WBP1L: variants seen among roughly 807,000 people sequenced by gnomAD.
WBP1L encodes WW domain binding protein 1-like.
A neutral mutation model predicts 33.7 loss-of-function variants in WBP1L; 17 were observed. The ratio of observed to expected loss-of-function variants is 0.50; its 90% CI spans 0.34 to 0.76. The LOEUF is 0.76. WBP1L is among the 30% of genes least tolerant of loss of function. The pLI is 0.01. For missense variants in WBP1L, 389 were observed against 469.4 expected (o/e 0.83, Z 1.58); for synonymous variants, 173 against 190.8 (o/e 0.91, Z 0.77).
chr10:102,761,117 G>A (rs1843031888), intron 1 of WBP1L, among the ~76,000 whole-genome samples: 1 of 140,026 alleles, frequency 7.1e-6, no homozygotes, highest in South Asian at 2.3e-4. Flanking sequence ...ATGTTGGCCA[G>A]GCTGTTTTTT....
intron 1 of WBP1L, among the ~76,000 whole-genome samples, chr10:102,776,767 A>G (rs553206589): frequency 6.6e-6 from 1 of 152,224 alleles, no homozygotes; most frequent in African/African-American, 2.4e-5. Context: ...AACCCCTTTT[A>G]TTCCTTCTCC....
chr10:102,809,032 T>G (rs1383760831), intron 2 of WBP1L, among the ~76,000 whole-genome samples: 4 of 152,182 alleles, frequency 2.6e-5, no homozygotes, highest in Non-Finnish European at 4.4e-5. Context: ...TCCCCCAAGG[T>G]GCTGGAGGCG....
chr10:102,762,788 T>C (rs556137163), intron 1 of WBP1L, among the ~76,000 whole-genome samples: 1 of 152,310 alleles, frequency 6.6e-6, no homozygotes, highest in East Asian at 1.9e-4. Context: ...CTTCCAGCTC[T>C]TCGGGGATGC....
chr10:102,785,521 G>A (rs1843402999), intron 1 of WBP1L, among the ~76,000 whole-genome samples: 1 of 149,260 alleles, frequency 6.7e-6, no homozygotes, highest in South Asian at 2.1e-4. Context: ...AAACAACGGT[G>A]CCATGTAGGC....
intron 1 of WBP1L, 101 bp downstream of exon 1, chr10:102,744,244 C>A: frequency 7.6e-7 from 1 of 1,318,390 alleles, no homozygotes; most frequent in South Asian, 1.6e-5. Flanking sequence ...TTGAGGGGTC[C>A]CGAGAGGGGC....
chr10:102,767,385 A>G (rs1170126606), intron 1 of WBP1L, among the ~76,000 whole-genome samples: 2 of 152,176 alleles, frequency 1.3e-5, no homozygotes, highest in African/African-American at 2.4e-5. Flanking sequence ...AGCTGGGTGC[A>G]GTGGCACATG....
chr10:102,758,967 C>T (rs1213876861), intron 1 of WBP1L, among the ~76,000 whole-genome samples: 3 of 152,168 alleles, frequency 2.0e-5, no homozygotes, highest in Admixed American at 1.3e-4. Context: ...CTATCTACTA[C>T]GAACTTCAAA....
intron 3 of WBP1L, among the ~76,000 whole-genome samples, chr10:102,810,898 TC>T (rs1843831821): frequency 1.4e-5 from 1 of 73,786 alleles, no homozygotes; most frequent in Non-Finnish European, 2.7e-5. Context: ...TTCCTTTCCC[TC>T]CCCTCCCCTC....
Position 102,799,237 on chromosome 10 carries a change from A to T in WBP1L, c.193+1142A>T, listed in dbSNP as rs190469741. Among the ~76,000 whole-genome samples, 212 of 152,166 alleles carry T rather than the reference A, an allele frequency of 1.4e-3. 1 individual carries two copies. The highest frequency in any genetic ancestry group is 4.9e-3 in the African/African-American group (203 of 41,522). On this transcript the variant is annotated intron_variant, in intron 2 of 3. Transcript: ENST00000448841. ...GCTACTCAGGAGGCTGAGGCAGGAGAATCACTTGAACCCGGGAGGCGGAGG... is the reference window on the plus strand; with the variant it reads ...GCTACTCAGGAGGCTGAGGCAGGAGTATCACTTGAACCCGGGAGGCGGAGG...
At chr10:102,800,211 C>T (rs1843636421) in intron 2 of WBP1L, among the ~76,000 whole-genome samples, 1 of 152,154 alleles carries the variant, frequency 6.6e-6, no homozygotes, top group African/African-American at 2.4e-5. Context: ...TTTGTTAAAA[C>T]AAAAGTTGAA....
At chr10:102,801,253 C>T (rs1843653989) in intron 2 of WBP1L, among the ~76,000 whole-genome samples, 1 of 152,156 alleles carries the variant, frequency 6.6e-6, no homozygotes, top group Non-Finnish European at 1.5e-5. Context: ...TTAGTATTAT[C>T]TCCATGCATT....
At chr10:102,750,432 T>C (rs1399433753) in intron 1 of WBP1L, among the ~76,000 whole-genome samples, 8 of 151,950 alleles carry the variant, frequency 5.3e-5, no homozygotes, top group African/African-American at 1.9e-4. Context: ...GTAATTTACA[T>C]GCCAAAAAAA....
In WBP1L at chr10:102,815,020, G is replaced by A. The variant is rs924073064; in HGVS notation, c.*1689G>A. 1 of 152,592 alleles carries A rather than the reference G, an allele frequency of 6.6e-6. No homozygotes were observed. Among genetic ancestry groups the A allele is most frequent in the African/African-American group, 2.4e-5 (1 of 41,408 alleles). The allele number at this position is 152,592 out of a possible 1,614,324, so 9.5% of individuals were successfully genotyped here. ...CACAGTGACTTTTTGGGTGAGCCGT[G>A]TGTGTCTGTCTGTTGTGTGTGTGCC... is the stretch of plus-strand genomic sequence containing the variant. On this transcript the variant is annotated 3_prime_UTR_variant, in exon 4 of 4. Coordinates refer to ENST00000448841, the MANE Select transcript of WBP1L (RefSeq NM_001083913.2).
chr10:102,809,632 G>A (rs571914495), intron 2 of WBP1L, among the ~76,000 whole-genome samples: 1 of 152,298 alleles, frequency 6.6e-6, no homozygotes, highest in South Asian at 2.1e-4. Flanking sequence ...CTTGGCCTGG[G>A]ATTACAGGCA....
chr10:102,766,997 T>C (rs1215185584), intron 1 of WBP1L, among the ~76,000 whole-genome samples: 1 of 152,218 alleles, frequency 6.6e-6, no homozygotes, highest in East Asian at 1.9e-4. Context: ...CTGCTGATTT[T>C]CATGTAATTC....
chr10:102,744,395 TGGGCTG>T, intron 1 of WBP1L: 2 of 985,124 alleles, frequency 2.0e-6, no homozygotes, highest in Non-Finnish European at 2.4e-6. Context: ...GTTGGTTAGG[TGGGCTG>T]GGGTGACTGT....
At chr10:102,754,077 T>A (rs1842948550) in intron 1 of WBP1L, among the ~76,000 whole-genome samples, 1 of 152,230 alleles carries the variant, frequency 6.6e-6, no homozygotes, top group Admixed American at 6.5e-5. Context: ...AAACCACAGC[T>A]TAGTTTATTG....
At chr10:102,812,516 A>C (rs190701574) in intron 3 of WBP1L, 79 bp from the exon 4 acceptor site, 1 of 1,467,682 alleles carries the variant, frequency 6.8e-7, no homozygotes, top group Non-Finnish European at 9.1e-7. Flanking sequence ...AGACAATGCA[A>C]ATATTCAGTG....
intron 2 of WBP1L, among the ~76,000 whole-genome samples, chr10:102,799,759 C>G (rs548238618): frequency 1.9e-4 from 29 of 152,248 alleles, no homozygotes; most frequent in East Asian, 5.8e-4. Flanking sequence ...CTCATCCCCC[C>G]CATCAACCCC....
Sources: gnomAD v4.1 joint callset for allele counts (sites outside exome capture counted in the v4.1 genomes callset) on GRCh38, gnomAD v4.1.1 for gene constraint, MANE v1.5 for transcripts, NCBI Gene and HGNC (gene_info 2026-07-23, HGNC 2026-07-21) for gene names.